KCNT2: variants seen among roughly 807,000 people sequenced by gnomAD.
KCNT2 encodes potassium sodium-activated channel subfamily T member 2.
A neutral mutation model predicts 153.8 loss-of-function variants in KCNT2; 67 were observed. That is an observed-to-expected ratio of 0.44 (90% CI 0.36 to 0.53). The LOEUF (loss-of-function observed/expected upper bound fraction) is 0.53, where lower values mean the gene tolerates loss of function less well. KCNT2 is among the 20% of genes least tolerant of loss of function. The pLI is 0.00. For synonymous variants in KCNT2, 500 were observed against 458.8 expected (o/e 1.09, Z -1.15); for missense variants, 975 against 1,354.8 (o/e 0.72, Z 4.40).
At chr1:196,405,068 G>C (rs948657916) in intron 12 of KCNT2, among the ~76,000 whole-genome samples, 4 of 151,388 alleles carry the variant, frequency 2.6e-5, no homozygotes, top group Non-Finnish European at 3.0e-5. Flanking sequence ...AAGGAAAAGA[G>C]CTGTATAACA....
chr1:196,384,596 G>A (rs1669794533), intron 13 of KCNT2, among the ~76,000 whole-genome samples: 1 of 151,366 alleles, frequency 6.6e-6, no homozygotes, highest in Non-Finnish European at 1.5e-5. Context: ...CCAGCTACTT[G>A]GGAGGCTGAG....
At chr1:196,424,599 A>G (rs1673488296) in intron 11 of KCNT2, among the ~76,000 whole-genome samples, 1 of 151,992 alleles carries the variant, frequency 6.6e-6, no homozygotes, top group South Asian at 2.1e-4. Flanking sequence ...CACCAAAAAG[A>G]TGAAAATACT....
chr1:196,363,546 A>C (rs1008376890), intron 14 of KCNT2, among the ~76,000 whole-genome samples: 1 of 152,126 alleles, frequency 6.6e-6, no homozygotes. Context: ...GGGCCTAATA[A>C]GGCCTTATTA....
At chr1:196,321,411 A>C (rs978198394) in intron 19 of KCNT2, among the ~76,000 whole-genome samples, 1 of 151,980 alleles carries the variant, frequency 6.6e-6, no homozygotes, top group Non-Finnish European at 1.5e-5. Flanking sequence ...TAGAGTTAAA[A>C]ATGAAGATAA....
chr1:196,278,663 C>T (rs542992665), intron 25 of KCNT2, among the ~76,000 whole-genome samples: 1 of 152,012 alleles, frequency 6.6e-6, no homozygotes, highest in African/African-American at 2.4e-5. Context: ...TATTATAATA[C>T]ATAATACTGA....
chr1:196,450,413 A>G (rs552201506), intron 8 of KCNT2, among the ~76,000 whole-genome samples: 1 of 152,028 alleles, frequency 6.6e-6, no homozygotes, highest in East Asian at 2.0e-4. Flanking sequence ...CTAAATGGCT[A>G]TTTAACATCT....
intron 14 of KCNT2, among the ~76,000 whole-genome samples, chr1:196,351,076 T>C (rs1666642010): frequency 6.6e-6 from 1 of 152,194 alleles, no homozygotes; most frequent in South Asian, 2.1e-4. Context: ...TCTGTTTTGG[T>C]ACCAGTATCA....
At chr1:196,441,557 C>T (rs1032993626) in intron 8 of KCNT2, among the ~76,000 whole-genome samples, 8 of 151,130 alleles carry the variant, frequency 5.3e-5, no homozygotes, top group Non-Finnish European at 1.0e-4. Context: ...CAATATTGTC[C>T]ACATTGTCCA....
At chr1:196,307,590 C>A (rs1426695458) in intron 21 of KCNT2, among the ~76,000 whole-genome samples, 1 of 152,046 alleles carries the variant, frequency 6.6e-6, no homozygotes, top group Non-Finnish European at 1.5e-5. Flanking sequence ...ATTAACAAAT[C>A]TTTGTTAAAC....
At chr1:196,488,471 TTTGTTCCTC>T (rs144764156) in intron 3 of KCNT2, among the ~76,000 whole-genome samples, 7,858 of 152,012 alleles carry the variant, frequency 0.052, 579 homozygotes, top group African/African-American at 0.16. Context: ...TGTAGGAAAC[TTTGTTCCTC>T]TTAATGTTTT....
chr1:196,430,665 T>C (rs1674072848), intron 8 of KCNT2, among the ~76,000 whole-genome samples: 1 of 152,030 alleles, frequency 6.6e-6, no homozygotes. Flanking sequence ...AGTCCTTAAA[T>C]GAATCAATCA....
At chr1:196,364,769 T>G (rs989206342) in intron 14 of KCNT2, among the ~76,000 whole-genome samples, 1 of 152,112 alleles carries the variant, frequency 6.6e-6, no homozygotes, top group African/African-American at 2.4e-5. Context: ...AGCTAATGTT[T>G]ATAAGAATTT....
At chr1:196,321,073 A>G (rs1430157097) in intron 19 of KCNT2, among the ~76,000 whole-genome samples, 1 of 151,482 alleles carries the variant, frequency 6.6e-6, no homozygotes, top group Non-Finnish European at 1.5e-5. Context: ...AGTTTTAAAG[A>G]TCCTGATATA....
At position 196,607,514 on chromosome 1, in the gene KCNT2, T is replaced by C. The variant is rs1665449553; in HGVS notation, c.95+701A>G. 1.3e-5 allele frequency among the ~76,000 whole-genome samples: 2 copies of C among 151,776 alleles called. 1 individual carries two copies. Among genetic ancestry groups the C allele is most frequent in the South Asian group, 4.1e-4 (2 of 4,828 alleles). On this transcript the variant is annotated intron_variant, in intron 1 of 27. Transcript: ENST00000294725. ...GAAACTTAATTTTAATTTTGAGACA[T>C]ATATTCTGTTTCAGTTAAAAAAATA...
rs1212430894 is a variant in KCNT2, at chr1:196,319,524, AAC to A, written c.2306_2307del (p.Cys769LeufsTer13). 6.2e-7 allele frequency: 1 copy of A among 1,610,342 alleles called. No homozygotes were observed. Among genetic ancestry groups the A allele is most frequent in the East Asian group, 2.2e-5 (1 of 44,766 alleles). On this transcript the variant is annotated frameshift_variant, in exon 20 of 28. Transcript: ENST00000294725. LOFTEE classifies it high-confidence loss of function. ...PPDMHFLDAI[C>X]WFPMVYYMVG... ...ACCATGTAGTAAACCATTGGAAACC[AAC>A]AGATTGCATCCAGAAAATGCATATC...
At chr1:196,430,403 T>G (rs1674045936) in intron 8 of KCNT2, among the ~76,000 whole-genome samples, 2 of 147,610 alleles carry the variant, frequency 1.4e-5, no homozygotes, top group Admixed American at 1.3e-4. Context: ...TCTCTCTCTC[T>G]CTCTTTCTCT....
At chr1:196,476,322 G>A (rs1201819773) in intron 5 of KCNT2, among the ~76,000 whole-genome samples, 1 of 151,988 alleles carries the variant, frequency 6.6e-6, no homozygotes, top group Non-Finnish European at 1.5e-5. Context: ...TCATATATAT[G>A]TATGCATGTA....
rs1677753452 is a variant in KCNT2 at position 196,467,843 on chromosome 1, C to T, written c.460-57G>A. 2.3e-5 allele frequency: 22 copies of T among 947,638 alleles called. No individual in the cohort carries two copies. The South Asian group carries it at 3.8e-4, about 16-fold the overall frequency. The allele number at this position is 947,638 out of a possible 1,614,324, so 58.7% of individuals were successfully genotyped here. On this transcript the variant is annotated intron_variant, in intron 6 of 27. Transcript: ENST00000294725. ...TTATCTCAAAGCAATAAACCATACC[C>T]AGTATACTAAAAAGAAATGGAAAAA...
intron 12 of KCNT2, among the ~76,000 whole-genome samples, chr1:196,405,053 G>A (rs1245959696): frequency 1.3e-5 from 2 of 150,926 alleles, no homozygotes; most frequent in East Asian, 3.9e-4. Flanking sequence ...CATTAAGTGA[G>A]GAAAAAGGAA....
Sources: allele counts gnomAD v4.1 joint callset (sites outside exome capture counted in the v4.1 genomes callset), GRCh38; gene constraint gnomAD v4.1.1; transcripts MANE v1.5; gene names NCBI Gene and HGNC (gene_info 2026-07-23, HGNC 2026-07-21).